Variants in RBM6 observed in about 807,000 individuals in gnomAD.
RBM6 encodes RNA binding motif protein 6.
A neutral mutation model predicts 140.4 loss-of-function variants in RBM6; 23 were observed. The ratio of observed to expected loss-of-function variants is 0.16; its 90% confidence interval spans 0.12 to 0.23. The LOEUF (loss-of-function observed/expected upper bound fraction) is 0.23. RBM6 is among the 10% of genes least tolerant of loss of function. The pLI, the probability that RBM6 is intolerant of heterozygous loss-of-function variation, is 1.00. For missense variants in RBM6, 1,139 were observed against 1,386.7 expected, an observed-to-expected ratio of 0.82 and a Z score of 2.84; for synonymous variants, 439 against 475.6, an observed-to-expected ratio of 0.92 and a Z score of 1.00.
chr3:49,987,459 G>T (rs1362958217), intron 5 of RBM6, among the ~76,000 whole-genome samples: 1 of 150,774 alleles, frequency 6.6e-6, no homozygotes, highest in Non-Finnish European at 1.5e-5. Flanking sequence ...GGGATTACAG[G>T]TGCCCGCCAC....
chr3:49,963,260 GTCTC>G (rs1349877470), intron 2 of RBM6, among the ~76,000 whole-genome samples: 1 of 151,908 alleles, frequency 6.6e-6, no homozygotes, highest in Non-Finnish European at 1.5e-5. Context: ...TTTGAGACAA[GTCTC>G]TCTCTGTCTC....
chr3:50,037,871 G>C (rs2088638642), intron 6 of RBM6, among the ~76,000 whole-genome samples: 1 of 150,038 alleles, frequency 6.7e-6, no homozygotes, highest in Admixed American at 6.7e-5. Context: ...GCCCAGGCTG[G>C]AGTGTGGTGG....
intron 3 of RBM6, among the ~76,000 whole-genome samples, chr3:49,971,770 CTA>C (rs1485698033): frequency 6.6e-6 from 1 of 152,078 alleles, no homozygotes; most frequent in Non-Finnish European, 1.5e-5. Context: ...TGTTTTGAGA[CTA>C]TGTTAGTGTG....
At chr3:50,072,339 G>A (rs554903338) in intron 19 of RBM6, among the ~76,000 whole-genome samples, 1 of 151,902 alleles carries the variant, frequency 6.6e-6, no homozygotes, top group East Asian at 1.9e-4. Context: ...GAACATGGGA[G>A]GTGGAGGTTG....
chr3:49,947,295 A>G (rs975355794), intron 1 of RBM6, among the ~76,000 whole-genome samples: 2 of 136,738 alleles, frequency 1.5e-5, no homozygotes, highest in Non-Finnish European at 3.1e-5. Flanking sequence ...CTGGGTGTGC[A>G]GGTGCACACC....
chr3:49,964,196 C>T (rs75828871), intron 2 of RBM6, among the ~76,000 whole-genome samples: 4,995 of 152,164 alleles, frequency 0.033, 306 homozygotes, highest in African/African-American at 0.12. Context: ...TGTGAGCCAC[C>T]GCACCTGCCA....
At chr3:49,999,992 T>G (rs548327450) in intron 6 of RBM6, among the ~76,000 whole-genome samples, 12 of 152,340 alleles carry the variant, frequency 7.9e-5, no homozygotes, top group African/African-American at 2.9e-4. Context: ...AAGAGAGCTA[T>G]CAGGGAAGAG....
chr3:50,038,602 C>A (rs1220428208), intron 6 of RBM6, among the ~76,000 whole-genome samples: 3 of 152,200 alleles, frequency 2.0e-5, no homozygotes, highest in African/African-American at 7.2e-5. Context: ...GAGGCCGAGG[C>A]GGGCGGATCA....
chr3:50,015,774 G>C (rs2087111395), intron 6 of RBM6, among the ~76,000 whole-genome samples: 1 of 152,014 alleles, frequency 6.6e-6, no homozygotes, highest in South Asian at 2.1e-4. Flanking sequence ...CATGTTTATG[G>C]AGTACCCATG....
chr3:49,978,854 G>A (rs1351106947), intron 5 of RBM6, among the ~76,000 whole-genome samples: 1 of 152,054 alleles, frequency 6.6e-6, no homozygotes, highest in Non-Finnish European at 1.5e-5. Flanking sequence ...TTTTTCATTT[G>A]CCATTTACAA....
Position 50,003,776 on chromosome 3 carries a change from A to G in RBM6, c.1557+4263A>G, listed in dbSNP as rs547782860. ...AGGCAGCAGCTGTCTATCTGGAGAAATAATTTCCAACAGGTATGAAGGTAT... is the reference window on the plus strand; with the variant it reads ...AGGCAGCAGCTGTCTATCTGGAGAAGTAATTTCCAACAGGTATGAAGGTAT... On this transcript the variant is annotated intron_variant, in intron 6 of 20. Coordinates refer to ENST00000266022, the MANE Select transcript of RBM6 (RefSeq NM_005777.3). Among the ~76,000 whole-genome samples, 9 of 152,326 alleles carry G rather than the reference A, an allele frequency of 5.9e-5. No individual in the cohort carries two copies. The South Asian group carries it at 1.9e-3, about 32-fold the overall frequency.
At chr3:49,983,626 T>G (rs1199660919) in intron 5 of RBM6, among the ~76,000 whole-genome samples, 1 of 152,216 alleles carries the variant, frequency 6.6e-6, no homozygotes, top group Non-Finnish European at 1.5e-5. Context: ...AGGGAAAAGA[T>G]GACGATAGGC....
At chr3:49,984,121 A>G (rs375637403) in intron 5 of RBM6, among the ~76,000 whole-genome samples, 4 of 152,034 alleles carry the variant, frequency 2.6e-5, no homozygotes, top group South Asian at 2.1e-4. Context: ...GTGAAACTCT[A>G]TCTCTCCAAA....
At chr3:49,942,211 C>A (rs1214192380) in intron 1 of RBM6, among the ~76,000 whole-genome samples, 3 of 151,876 alleles carry the variant, frequency 2.0e-5, no homozygotes, top group Non-Finnish European at 4.4e-5. Flanking sequence ...ACAATTCAGC[C>A]AGGCACGGTG....
chr3:50,075,897 C>G (rs1295850870), intron 20 of RBM6, among the ~76,000 whole-genome samples: 4 of 152,106 alleles, frequency 2.6e-5, no homozygotes, highest in African/African-American at 9.7e-5. Flanking sequence ...GTATTAAAGC[C>G]TGTATCTTGC....
chr3:49,981,626 TCTC>T, intron 5 of RBM6: 1 of 152,188 alleles, frequency 6.6e-6, no homozygotes, highest in East Asian at 1.9e-4. Flanking sequence ...TAATATCAGT[TCTC>T]CTGCTCTGCA....
At chr3:50,021,287 G>A (rs2087467408) in intron 6 of RBM6, among the ~76,000 whole-genome samples, 1 of 152,104 alleles carries the variant, frequency 6.6e-6, no homozygotes, top group Admixed American at 6.6e-5. Flanking sequence ...GGAGAGTCTT[G>A]TACAAATGGT....
chr3:49,950,283 A>G (rs2083678579), intron 1 of RBM6, among the ~76,000 whole-genome samples: 1 of 152,154 alleles, frequency 6.6e-6, no homozygotes, highest in Non-Finnish European at 1.5e-5. Flanking sequence ...GCTGCATACC[A>G]CAGCTAAAAC....
At chr3:50,027,852 A>T (rs2108813152) in intron 6 of RBM6, among the ~76,000 whole-genome samples, 1 of 152,340 alleles carries the variant, frequency 6.6e-6, no homozygotes, top group Non-Finnish European at 1.5e-5. Flanking sequence ...ATATATACCA[A>T]AGAGCCACAA....
Sources: gnomAD v4.1 joint callset for allele counts (sites outside exome capture counted in the v4.1 genomes callset) on GRCh38, gnomAD v4.1.1 for gene constraint, MANE v1.5 for transcripts, NCBI Gene and HGNC (gene_info 2026-07-23, HGNC 2026-07-21) for gene names.